Variants in ACTR3C observed in about 807,000 individuals in gnomAD.
ACTR3C encodes the protein actin related protein 3C.
Under a neutral mutation model 26.3 loss-of-function variants are expected in ACTR3C, and 18 were observed. That is an observed-to-expected ratio of 0.68 (90% CI 0.47 to 1.01). ACTR3C has a LOEUF of 1.01. Among genes scored for constraint, ACTR3C ranks in the 50% least tolerant of loss-of-function variants. The probability of loss-of-function intolerance (pLI) is 0.00; values close to 1 mark genes in which losing one functional copy is unlikely to be tolerated. For missense variants in ACTR3C, 184 were observed against 250.7 expected (o/e 0.73, Z 1.80); for synonymous variants, 55 against 94.5 (o/e 0.58, Z 2.42).
At chr7:150,031,275 TA>T in the ACTR3C span, among the ~76,000 whole-genome samples, 71 of 132,470 alleles carry the variant, frequency 5.4e-4, no homozygotes, top group African/African-American at 1.6e-3. Context: ...AAAAAAAAAG[TA>T]AAAAAAAAAA....
chr7:150,097,596 C>T, the ACTR3C span, among the ~76,000 whole-genome samples: 1 of 151,586 alleles, frequency 6.6e-6, no homozygotes. Context: ...AGGCCCTTTT[C>T]TCCTTTCTTG....
At chr7:150,135,045 C>T in the ACTR3C span, among the ~76,000 whole-genome samples, 11 of 146,682 alleles carry the variant, frequency 7.5e-5, no homozygotes, top group Non-Finnish European at 1.5e-4. Flanking sequence ...CCGCCTGTCT[C>T]GGCCTCGCAA....
the ACTR3C span, among the ~76,000 whole-genome samples, chr7:150,169,353 A>T: frequency 2.8e-4 from 41 of 144,566 alleles, 2 homozygotes; most frequent in African/African-American, 1.1e-3. Flanking sequence ...ACCGTGCTCC[A>T]GCCTGGGCAA....
chr7:149,969,326 T>TGTGTGTGTGA, the ACTR3C span, among the ~76,000 whole-genome samples: 1 of 103,740 alleles, frequency 9.6e-6, no homozygotes, highest in African/African-American at 3.3e-5. Context: ...TGTGTGTGTG[T>TGTGTGTGTGA]GTGTGATGCT....
At chr7:150,048,286 C>G in the ACTR3C span, among the ~76,000 whole-genome samples, 1 of 152,194 alleles carries the variant, frequency 6.6e-6, no homozygotes, top group African/African-American at 2.4e-5. Context: ...CCTCGCTCCC[C>G]GCCCCCAGGC....
At chr7:150,213,214 T>G in the ACTR3C span, among the ~76,000 whole-genome samples, 76 of 152,312 alleles carry the variant, frequency 5.0e-4, no homozygotes, top group African/African-American at 1.7e-3. Context: ...ACTCTGGTTC[T>G]GTGATATACT....
At chr7:149,901,982 A>T in the ACTR3C span, among the ~76,000 whole-genome samples, 2 of 148,930 alleles carry the variant, frequency 1.3e-5, no homozygotes, top group African/African-American at 4.9e-5. Context: ...TTGAAAAAAA[A>T]TGTGTTTGGG....
At chr7:149,998,902 C>T in the ACTR3C span, among the ~76,000 whole-genome samples, 6 of 150,566 alleles carry the variant, frequency 4.0e-5, no homozygotes, top group African/African-American at 1.5e-4. Context: ...TCCCTCCCAC[C>T]ACTCCCTCAG....
chr7:150,185,288 T>C, the ACTR3C span, among the ~76,000 whole-genome samples: 1 of 150,378 alleles, frequency 6.6e-6, no homozygotes, highest in African/African-American at 2.4e-5. Context: ...TGTGTGTGTG[T>C]GTGTGTGTGT....
At chr7:150,016,551 T>G in the ACTR3C span, among the ~76,000 whole-genome samples, 127 of 152,054 alleles carry the variant, frequency 8.4e-4, 1 homozygote, top group African/African-American at 2.9e-3. Context: ...TCAAGACGGG[T>G]ATGGATATTT....
At chr7:149,882,955 C>T in the ACTR3C span, among the ~76,000 whole-genome samples, 1 of 152,234 alleles carries the variant, frequency 6.6e-6, no homozygotes, top group Admixed American at 6.5e-5. Context: ...CAGGCCCCAT[C>T]CTTCCTGATG....
the ACTR3C span, among the ~76,000 whole-genome samples, chr7:149,993,462 T>G: frequency 6.6e-6 from 1 of 152,074 alleles, no homozygotes; most frequent in Non-Finnish European, 1.5e-5. Context: ...CACTGCAGGA[T>G]TTTCTCCCAC....
At chr7:150,078,694 C>T in the ACTR3C span, among the ~76,000 whole-genome samples, 12 of 152,218 alleles carry the variant, frequency 7.9e-5, no homozygotes, top group East Asian at 3.9e-4. Context: ...CAATGGGATG[C>T]CCAGATAGCT....
the ACTR3C span, among the ~76,000 whole-genome samples, chr7:150,199,665 A>G: frequency 6.9e-6 from 1 of 144,504 alleles, no homozygotes; most frequent in African/African-American, 2.6e-5. Flanking sequence ...AAAAAAAATA[A>G]AACATTAATA....
the ACTR3C span, among the ~76,000 whole-genome samples, chr7:149,957,937 G>A: frequency 6.6e-6 from 1 of 152,108 alleles, no homozygotes; most frequent in Non-Finnish European, 1.5e-5. Flanking sequence ...TTTCCACTGT[G>A]TGACAGGAGG....
chr7:150,220,008 G>C, the ACTR3C span, among the ~76,000 whole-genome samples: 1 of 146,898 alleles, frequency 6.8e-6, no homozygotes, highest in South Asian at 2.1e-4. Flanking sequence ...CGGCGGGAGC[G>C]GATGCACGGG....
At chr7:150,055,029 G>C in the ACTR3C span, among the ~76,000 whole-genome samples, 1 of 152,178 alleles carries the variant, frequency 6.6e-6, no homozygotes, top group African/African-American at 2.4e-5. Flanking sequence ...ACTACAAAAG[G>C]ACTGTTAGAA....
Position 150,296,387 on chromosome 7 carries a change from A to G in ACTR3C, c.-51-1040T>C, listed in dbSNP as rs529553705. Among the ~76,000 whole-genome samples, 630 of 151,274 alleles carry G rather than the reference A, an allele frequency of 4.2e-3. 2 individuals are homozygous for G. The highest frequency in any genetic ancestry group is 0.015 in the African/African-American group (592 of 40,812). ...AAAAAATATCTGGAAAAATATTGAA[A>G]CAAAGCAGATAAAAATTCCCAAGAA... On this transcript the variant is annotated intron_variant, in intron 1 of 7. Coordinates refer to ENST00000683684, the MANE Select transcript of ACTR3C (RefSeq NM_001164458.2).
the ACTR3C span, among the ~76,000 whole-genome samples, chr7:150,083,639 G>A: frequency 6.6e-6 from 1 of 152,116 alleles, no homozygotes; most frequent in African/African-American, 2.4e-5. Flanking sequence ...CCTTCTAACT[G>A]CACGTTTGTA....
Sources: gnomAD v4.1 joint callset for allele counts (sites outside exome capture counted in the v4.1 genomes callset) on GRCh38, gnomAD v4.1.1 for gene constraint, MANE v1.5 for transcripts, NCBI Gene and HGNC (gene_info 2026-07-23, HGNC 2026-07-21) for gene names.